The following CTNNA3 variants were observed in gnomAD, a reference collection of about 807,000 sequenced individuals.
The protein encoded by CTNNA3 is catenin alpha 3.
A neutral mutation model predicts 95.7 loss-of-function variants in CTNNA3; 76 were observed. The ratio of observed to expected loss-of-function variants is 0.79; its 90% CI spans 0.66 to 0.96. The LOEUF (loss-of-function observed/expected upper bound fraction) is 0.96, where lower values mean the gene tolerates loss of function less well. Ranked by LOEUF, CTNNA3 falls within the 40% of genes least tolerant of loss-of-function variation. CTNNA3 has a pLI of 0.00. For synonymous variants in CTNNA3, 431 were observed against 374.4 expected, an observed-to-expected ratio of 1.15 and a Z score of -1.74; for missense variants, 1,191 against 1,089.8, an observed-to-expected ratio of 1.09 and a Z score of -1.31.
At chr10:67,751,311 T>C in intron 1 of CTNNA3, 1 of 849,530 alleles carries the variant, frequency 1.2e-6, no homozygotes, top group Non-Finnish European at 2.0e-6. Context: ...AGTCCTATTT[T>C]AGCCAAGCTT....
At chr10:66,519,815 G>A (rs888335728) in intron 11 of CTNNA3, among the ~76,000 whole-genome samples, 2 of 152,130 alleles carry the variant, frequency 1.3e-5, no homozygotes, top group Admixed American at 6.6e-5. Flanking sequence ...TTCTGAGGCT[G>A]AGTCATGGGT....
chr10:66,440,158 T>C (rs2093365414), intron 11 of CTNNA3, among the ~76,000 whole-genome samples: 1 of 152,158 alleles, frequency 6.6e-6, no homozygotes, highest in East Asian at 1.9e-4. Flanking sequence ...ATCTCCACTT[T>C]AGATATTTGA....
At chr10:67,255,124 T>C (rs573067598) in intron 5 of CTNNA3, among the ~76,000 whole-genome samples, 4 of 152,044 alleles carry the variant, frequency 2.6e-5, no homozygotes, top group African/African-American at 7.2e-5. Flanking sequence ...GGAGAAACCA[T>C]GTCTCTACTA....
intron 7 of CTNNA3, among the ~76,000 whole-genome samples, chr10:67,133,366 C>CATACATATATATATAT (rs145480361): frequency 5.4e-4 from 67 of 124,558 alleles, no homozygotes; most frequent in African/African-American, 2.0e-3. Flanking sequence ...TACATACATA[C>CATACATATATATATAT]ATATATATAT....
At chr10:67,724,720 T>C (rs1841199174) in intron 1 of CTNNA3, among the ~76,000 whole-genome samples, 1 of 152,184 alleles carries the variant, frequency 6.6e-6, no homozygotes, top group African/African-American at 2.4e-5. Flanking sequence ...TCCTATTTTT[T>C]AGAAGTACCT....
chr10:67,139,515 C>A (rs1253993256), intron 7 of CTNNA3, among the ~76,000 whole-genome samples: 1 of 151,694 alleles, frequency 6.6e-6, no homozygotes, highest in Non-Finnish European at 1.5e-5. Context: ...CGGATTCAAG[C>A]AATTCTCCTG....
chr10:66,622,216 T>C (rs1286034828), intron 9 of CTNNA3, among the ~76,000 whole-genome samples: 4 of 152,164 alleles, frequency 2.6e-5, no homozygotes, highest in Admixed American at 6.5e-5. Context: ...TTGCATTAAG[T>C]ATGACTGTAT....
rs1442825544 is a variant in CTNNA3, at chr10:66,913,195, C to T, written c.1048-137671G>A. 5.4e-5 allele frequency among the ~76,000 whole-genome samples: 7 copies of T among 129,976 alleles called. No homozygotes were observed. The South Asian group carries it at 1.5e-3, about 29-fold the overall frequency. 85.3% of individuals were successfully genotyped at this position (129,976 alleles called of 152,430 possible). ...CGGAGCTTGCAGTGAGCCGAGATCG[C>T]GCCACTGCAGTCCGGCCTGGGCGAA... On this transcript the variant is annotated intron_variant, in intron 7 of 17. Transcript: ENST00000433211.
In CTNNA3 at chr10:66,894,752, A is replaced by G. The variant is rs1367230239; in HGVS notation, c.1048-119228T>C. On this transcript the variant is annotated intron_variant, in intron 7 of 17. Coordinates refer to ENST00000433211, the MANE Select transcript of CTNNA3 (RefSeq NM_013266.4). The stretch of plus-strand genomic sequence containing the variant: ...ACATTGTAGATTTTTTCAAAGCACA[A>G]CAAGCTCAACAAAGAAAGGAAAGAC... Among the ~76,000 whole-genome samples, 4 of 151,992 alleles carry G rather than the reference A, an allele frequency of 2.6e-5. No homozygotes were observed. The East Asian group carries it at 5.8e-4, about 22-fold the overall frequency.
At position 67,237,122 on chromosome 10, in the gene CTNNA3, G is replaced by GTGTATATA. The variant is rs1554810757; in HGVS notation, c.580-17253_580-17252insTATATACA. ...AATGAGTGGATAAAGAAACTATGGT[G>GTGTATATA]TATGTATATATATATATATATATAT... On this transcript the variant is annotated intron_variant, in intron 5 of 17. Coordinates refer to ENST00000433211, the MANE Select transcript of CTNNA3 (RefSeq NM_013266.4). Among the ~76,000 whole-genome samples, 30 of 79,606 alleles carry GTGTATATA rather than the reference G, an allele frequency of 3.8e-4. 1 individual carries two copies. The highest frequency in any genetic ancestry group is 6.3e-4 in the South Asian group (1 of 1,590). 52.2% of individuals were successfully genotyped at this position (79,606 alleles called of 152,430 possible).
At chr10:66,026,835 C>T (rs2079350238) in intron 15 of CTNNA3, among the ~76,000 whole-genome samples, 3 of 152,078 alleles carry the variant, frequency 2.0e-5, no homozygotes, top group Non-Finnish European at 4.4e-5. Flanking sequence ...CATGGTTGAG[C>T]TCTAATATAA....
chr10:67,581,340 T>C (rs1842387708), intron 3 of CTNNA3, among the ~76,000 whole-genome samples: 1 of 152,232 alleles, frequency 6.6e-6, no homozygotes, highest in African/African-American at 2.4e-5. Flanking sequence ...TCTTTGGTTC[T>C]GTTTATATGA....
At chr10:67,475,381 T>A (rs1847971147) in intron 5 of CTNNA3, among the ~76,000 whole-genome samples, 1 of 152,120 alleles carries the variant, frequency 6.6e-6, no homozygotes, top group African/African-American at 2.4e-5. Context: ...CATAGACCTG[T>A]ATAAAACAAA....
At chr10:66,194,633 T>C (rs1048902404) in intron 13 of CTNNA3, among the ~76,000 whole-genome samples, 7 of 152,110 alleles carry the variant, frequency 4.6e-5, no homozygotes, top group African/African-American at 1.7e-4. Context: ...GAGTGAAATT[T>C]ACACATTACA....
chr10:66,926,293 C>A (rs1213214127), intron 7 of CTNNA3: 2 of 524,434 alleles, frequency 3.8e-6, no homozygotes, highest in Admixed American at 3.2e-5. Flanking sequence ...CCCCACCCCC[C>A]AAAAAACTGT....
At chr10:66,593,788 C>CTATCCACAA (rs1258835533) in intron 10 of CTNNA3, among the ~76,000 whole-genome samples, 2 of 152,134 alleles carry the variant, frequency 1.3e-5, no homozygotes, top group African/African-American at 4.8e-5. Flanking sequence ...TAGTGTTCCA[C>CTATCCACAA]TATCCACAAT....
chr10:67,529,736 G>C (rs1840265795), intron 4 of CTNNA3, among the ~76,000 whole-genome samples: 1 of 151,798 alleles, frequency 6.6e-6, no homozygotes, highest in African/African-American at 2.4e-5. Flanking sequence ...ATTTCCAATA[G>C]GAAATTCATG....
intron 1 of CTNNA3, among the ~76,000 whole-genome samples, chr10:67,741,759 C>T (rs139416398): frequency 6.6e-6 from 1 of 151,164 alleles, no homozygotes; most frequent in Non-Finnish European, 1.5e-5. Flanking sequence ...ATTCAGGAAA[C>T]CCATTTCACG....
chr10:66,455,407 A>AT (rs2093489320), intron 11 of CTNNA3, among the ~76,000 whole-genome samples: 1 of 152,208 alleles, frequency 6.6e-6, no homozygotes, highest in Non-Finnish European at 1.5e-5. Flanking sequence ...CAGCAAGGTT[A>AT]TAGTGAGGTA....
Sources: gnomAD v4.1 joint callset for allele counts (sites outside exome capture counted in the v4.1 genomes callset) on GRCh38, gnomAD v4.1.1 for gene constraint, MANE v1.5 for transcripts, NCBI Gene and HGNC (gene_info 2026-07-23, HGNC 2026-07-21) for gene names.